Variants in ITGA11 observed in about 807,000 individuals in gnomAD.
ITGA11 encodes integrin alpha-11.
A neutral mutation model predicts 141.9 loss-of-function variants in ITGA11; 97 were observed. The ratio of observed to expected loss-of-function variants is 0.68; its 90% CI spans 0.58 to 0.81. The LOEUF (loss-of-function observed/expected upper bound fraction) is 0.81. Ranked by LOEUF, ITGA11 falls within the 30% of genes least tolerant of loss-of-function variation. ITGA11 has a pLI of 0.00. For synonymous variants in ITGA11, 658 were observed against 624.6 expected (o/e 1.05, Z -0.80); for missense variants, 1,387 against 1,559.2 (o/e 0.89, Z 1.86).
In ITGA11 at chr15:68,409,379, C is replaced by T. The variant is rs910797433; in HGVS notation, c.53-6350G>A. Among the ~76,000 whole-genome samples, 6 of 152,022 alleles carry T rather than the reference C, an allele frequency of 3.9e-5. No homozygotes were observed. The East Asian group carries it at 7.7e-4, about 20-fold the overall frequency. On this transcript the variant is annotated intron_variant, in intron 1 of 29. Transcript: ENST00000315757. ...AAAAGTTGCAGATAGACTTGCCTAC[C>T]GGATTTCTCACCTTCTGAGAATCTG... is the stretch of plus-strand genomic sequence containing the variant.
intron 2 of ITGA11, among the ~76,000 whole-genome samples, chr15:68,370,313 C>T (rs1032285530): frequency 2.0e-5 from 3 of 152,180 alleles, no homozygotes. Context: ...GCCCCGGTGG[C>T]CGTGCCCTGG....
chr15:68,425,776 G>T (rs1350897969), intron 1 of ITGA11, among the ~76,000 whole-genome samples: 1 of 152,226 alleles, frequency 6.6e-6, no homozygotes, highest in African/African-American at 2.4e-5. Context: ...AACAGGCCCT[G>T]AAAATCCGCA....
rs1469403718 is a variant in ITGA11, at chr15:68,432,156, C to T, written c.-90G>A. 2 of 957,496 alleles carry T rather than the reference C, an allele frequency of 2.1e-6. No homozygotes were observed. Among genetic ancestry groups the T allele is most frequent in the Non-Finnish European group, 1.4e-6 (1 of 724,750 alleles). The allele number at this position is 957,496 out of a possible 1,614,324, so 59.3% of individuals were successfully genotyped here. On this transcript the variant is annotated 5_prime_UTR_variant, in exon 1 of 30. Transcript: ENST00000315757. ...AGCCTCCTCGGCGCGGCGCCTGCAG[C>T]CTGCACTGCGCGGGGCGCCGGGCTC...
At chr15:68,337,874 G>A (rs959954837) in intron 11 of ITGA11, among the ~76,000 whole-genome samples, 2 of 152,146 alleles carry the variant, frequency 1.3e-5, no homozygotes, top group Non-Finnish European at 2.9e-5. Flanking sequence ...GAAATAACCT[G>A]GTATTTCCCA....
At chr15:68,338,369 C>T (rs932906868) in intron 11 of ITGA11, among the ~76,000 whole-genome samples, 1 of 152,218 alleles carries the variant, frequency 6.6e-6, no homozygotes, top group Non-Finnish European at 1.5e-5. Flanking sequence ...GGCCCAGAAG[C>T]AGCTTGAGGG....
At chr15:68,314,582 C>T (rs1893505889) in intron 22 of ITGA11, among the ~76,000 whole-genome samples, 1 of 152,208 alleles carries the variant, frequency 6.6e-6, no homozygotes, top group Non-Finnish European at 1.5e-5. Flanking sequence ...ACAGATGTGC[C>T]TCCAGAGCCC....
At chr15:68,350,500 T>C in intron 9 of ITGA11, 117 bp downstream of exon 9, 1 of 993,180 alleles carries the variant, frequency 1.0e-6, no homozygotes, top group South Asian at 1.9e-5. Flanking sequence ...TGGCATTTAT[T>C]ATTACGGAAG....
At chr15:68,396,987 T>C (rs1248355692) in intron 2 of ITGA11, among the ~76,000 whole-genome samples, 2 of 30,006 alleles carry the variant, frequency 6.7e-5, no homozygotes, top group Non-Finnish European at 9.7e-5. Flanking sequence ...ATATATTATT[T>C]ATTATATAAT....
intron 10 of ITGA11, among the ~76,000 whole-genome samples, chr15:68,348,243 A>C (rs1017691786): frequency 2.0e-5 from 3 of 151,800 alleles, no homozygotes; most frequent in Non-Finnish European, 4.4e-5. Context: ...GGCCAGCCCC[A>C]CCCCAGGACC....
intron 1 of ITGA11, among the ~76,000 whole-genome samples, chr15:68,412,018 G>A (rs4238412): frequency 0.038 from 5,837 of 152,152 alleles, 341 homozygotes; most frequent in African/African-American, 0.13. Context: ...ACTCAGTTGA[G>A]CTTAGCTTGG....
intron 1 of ITGA11, among the ~76,000 whole-genome samples, chr15:68,423,544 T>G (rs986555469): frequency 6.6e-6 from 1 of 152,188 alleles, no homozygotes; most frequent in Non-Finnish European, 1.5e-5. Context: ...GAGTCCTGAA[T>G]GCAGGCCAGG....
rs748916208 is a variant in ITGA11, at chr15:68,311,445, G to A, written c.2974-42C>T. The A allele has an allele frequency of 5.6e-6, 8 of 1,417,206 alleles. No homozygotes were observed. The South Asian group carries it at 8.6e-5, about 15-fold the overall frequency. The allele number at this position is 1,417,206 out of a possible 1,614,324, so 87.8% of individuals were successfully genotyped here. ...GGAGGTGTCAGTACAGTCAGTTGAG[G>A]GGGGTGGAAAACAAGGTCCACAGGG... On this transcript the variant is annotated intron_variant, in intron 24 of 29. Transcript: ENST00000315757.
intron 2 of ITGA11, among the ~76,000 whole-genome samples, chr15:68,379,621 C>G (rs1398732970): frequency 6.6e-6 from 1 of 152,248 alleles, no homozygotes; most frequent in African/African-American, 2.4e-5. Context: ...CCTTGGTGAG[C>G]CCTTGGCCCA....
chr15:68,351,276 T>A lies in ITGA11; in HGVS notation c.876A>T (p.Val292=). The change falls in exon 8 of 30, where the codon GTA becomes GTT. Residue 292 remains valine, a synonymous_variant. Transcript: ENST00000315757. ...KVIQQSERDN[V]TRYAVAVLGY... is the part of the protein sequence containing the mutation. ...GACTTACGGCCACCGCATATCTTGTTACGTTGTCTCTTTCGCTTTGCTGGA... is the reference window on the plus strand; with the variant it reads ...GACTTACGGCCACCGCATATCTTGTAACGTTGTCTCTTTCGCTTTGCTGGA... The A allele has an allele frequency of 6.2e-7, 1 of 1,614,036 alleles. No homozygotes were observed. The highest frequency in any genetic ancestry group is 8.5e-7 in the Non-Finnish European group (1 of 1,179,880).
intron 12 of ITGA11, among the ~76,000 whole-genome samples, chr15:68,332,758 T>G (rs1384341658): frequency 6.6e-6 from 1 of 152,222 alleles, no homozygotes; most frequent in Admixed American, 6.5e-5. Flanking sequence ...GCCATTTATC[T>G]TGTGTGTAAA....
chr15:68,378,272 T>TACTTTTTA (rs71145159), intron 2 of ITGA11, among the ~76,000 whole-genome samples: 122,949 of 151,626 alleles, frequency 0.81, 50,133 homozygotes, highest in East Asian at 1. Context: ...CACAGTGTTA[T>TACTTTTTA]ACCGTTCTCC....
At chr15:68,331,198 A>G (rs1177316098) in intron 14 of ITGA11, 87 bp from the exon 15 acceptor site, 2 of 1,275,074 alleles carry the variant, frequency 1.6e-6, no homozygotes, top group Middle Eastern at 2.6e-4. Flanking sequence ...AATCAGGAAC[A>G]ATAGGGAGCC....
Position 68,335,862 on chromosome 15 carries a change from C to A in ITGA11, c.1277-17G>T. The A allele has an allele frequency of 6.2e-7, 1 of 1,610,248 alleles. No homozygotes were observed. ...CTGTGTACCCTGCCACAGGAGGAAA[C>A]AGGCTGATCTTTGGCACCGTGTCCT... On this transcript the variant is annotated splice_polypyrimidine_tract_variant and intron_variant, in intron 11 of 29. Transcript: ENST00000315757. This position sits in a 1 kb window ranked among gnomAD's most constrained non-coding sequence, Gnocchi z 4.9.
At chr15:68,359,166 T>C (rs72743264) in intron 5 of ITGA11, among the ~76,000 whole-genome samples, 11,788 of 152,192 alleles carry the variant, frequency 0.077, 999 homozygotes, top group African/African-American at 0.21. Context: ...AGAAGATGCT[T>C]CTAAAGGGCT....
Sources: allele counts gnomAD v4.1 joint callset (sites outside exome capture counted in the v4.1 genomes callset), GRCh38; gene constraint gnomAD v4.1.1; non-coding constraint Gnocchi (gnomAD v3.1); transcripts MANE v1.5; gene names NCBI Gene and HGNC (gene_info 2026-07-23, HGNC 2026-07-21).